CNTNAP2: variants seen among roughly 807,000 people sequenced by gnomAD.
CNTNAP2 encodes the protein contactin associated protein 2.
A neutral mutation model predicts 155.2 loss-of-function variants in CNTNAP2; 98 were observed. The observed-to-expected ratio is 0.63, with a 90% CI of 0.54 to 0.75. The LOEUF (loss-of-function observed/expected upper bound fraction) is 0.75, where lower values mean the gene tolerates loss of function less well. Among genes scored for constraint, CNTNAP2 ranks in the 30% least tolerant of loss-of-function variants. The pLI is 0.00. For synonymous variants in CNTNAP2, 651 were observed against 631.2 expected (o/e 1.03, Z -0.47); for missense variants, 1,727 against 1,688.1 (o/e 1.02, Z -0.40).
Position 147,562,182 on chromosome 7 carries a change from A to T in CNTNAP2, c.1822A>T (p.Thr608Ser). 1 of 1,614,056 alleles carries T rather than the reference A, an allele frequency of 6.2e-7. No homozygotes were observed. Among genetic ancestry groups the T allele is most frequent in the Non-Finnish European group, 8.5e-7 (1 of 1,179,926 alleles). The change falls in exon 12 of 24, where the codon ACA (threonine) becomes TCA (serine). Residue 608 changes from threonine (T) to serine (S), a missense_variant. Coordinates refer to ENST00000361727, the MANE Select transcript of CNTNAP2 (RefSeq NM_014141.6). ...SCEAYKHLGQ[T>S]SNYYWIDPDG... is the part of the protein sequence containing the mutation. ...TGAAGCCTACAAACACCTAGGACAG[A>T]CATCAAATTATTACTGGATAGATCC...
chr7:146,398,950 G>T (rs920590206), intron 1 of CNTNAP2, among the ~76,000 whole-genome samples: 1 of 151,770 alleles, frequency 6.6e-6, no homozygotes, highest in Non-Finnish European at 1.5e-5. Context: ...AACCTATGTA[G>T]GTAGAATTGC....
intron 13 of CNTNAP2, among the ~76,000 whole-genome samples, chr7:147,831,100 A>G (rs553439256): frequency 7.1e-4 from 108 of 152,300 alleles, no homozygotes; most frequent in African/African-American, 2.4e-3. Flanking sequence ...TATGCCTGGT[A>G]ATATGAGAAC....
At chr7:148,024,173 A>AACAAAAAAAAAC (rs1554463585) in intron 15 of CNTNAP2, among the ~76,000 whole-genome samples, 1 of 147,888 alleles carries the variant, frequency 6.8e-6, no homozygotes, top group Non-Finnish European at 1.5e-5. Context: ...AAAAAAAAAA[A>AACAAAAAAAAAC]AAAAAACTTT....
chr7:146,615,570 A>G (rs572130458), intron 1 of CNTNAP2, among the ~76,000 whole-genome samples: 20 of 152,354 alleles, frequency 1.3e-4, no homozygotes, highest in Non-Finnish European at 2.4e-4. Flanking sequence ...CCCATATCTC[A>G]TCAACACACA....
At chr7:148,367,092 G>C (rs988737590) in intron 21 of CNTNAP2, among the ~76,000 whole-genome samples, 10 of 152,048 alleles carry the variant, frequency 6.6e-5, no homozygotes, top group Admixed American at 6.5e-4. Flanking sequence ...TTAGCTGGGC[G>C]CGGTGGTGCA....
At chr7:148,135,429 T>C (rs1281880905) in intron 16 of CNTNAP2, among the ~76,000 whole-genome samples, 2 of 152,248 alleles carry the variant, frequency 1.3e-5, no homozygotes, top group African/African-American at 4.8e-5. Flanking sequence ...CACTGGCTTC[T>C]GGTTGCTCAT....
chr7:146,280,801 G>A (rs1405941982), intron 1 of CNTNAP2, among the ~76,000 whole-genome samples: 1 of 152,156 alleles, frequency 6.6e-6, no homozygotes, highest in African/African-American at 2.4e-5. Flanking sequence ...CCTACCAATA[G>A]AATCTCATTC....
At chr7:146,975,292 C>A (rs532976368) in intron 3 of CNTNAP2, among the ~76,000 whole-genome samples, 3 of 152,114 alleles carry the variant, frequency 2.0e-5, no homozygotes, top group Admixed American at 1.3e-4. Context: ...TGGCAAAACC[C>A]CGTCTCTACT....
intron 2 of CNTNAP2, among the ~76,000 whole-genome samples, chr7:146,828,597 T>C (rs1319818725): frequency 6.6e-6 from 1 of 152,034 alleles, no homozygotes; most frequent in East Asian, 1.9e-4. Context: ...ATGTTCCTTT[T>C]AGAAAAAGTT....
At chr7:148,007,557 A>T (rs1230273789) in intron 15 of CNTNAP2, among the ~76,000 whole-genome samples, 1 of 151,408 alleles carries the variant, frequency 6.6e-6, no homozygotes, top group Non-Finnish European at 1.5e-5. Context: ...CTGGCTTTGG[A>T]ATCACTAAAA....
chr7:147,321,589 C>G (rs532041191), intron 9 of CNTNAP2, among the ~76,000 whole-genome samples: 40 of 152,276 alleles, frequency 2.6e-4, no homozygotes, highest in Non-Finnish European at 4.9e-4. Context: ...CTAACTTCAT[C>G]TCTCTCCTGG....
intron 10 of CNTNAP2, among the ~76,000 whole-genome samples, chr7:147,441,048 A>C (rs978987683): frequency 6.6e-6 from 1 of 151,642 alleles, no homozygotes; most frequent in African/African-American, 2.4e-5. Flanking sequence ...CTTTGAATAA[A>C]CCCTCTACCC....
intron 14 of CNTNAP2, among the ~76,000 whole-genome samples, chr7:147,925,151 GA>G (rs1800364038): frequency 9.7e-6 from 1 of 102,946 alleles, no homozygotes; most frequent in Non-Finnish European, 2.1e-5. Context: ...GAGAGAGAGA[GA>G]GAGAAGGAAG....
At chr7:148,039,365 C>A (rs1802627670) in intron 15 of CNTNAP2, among the ~76,000 whole-genome samples, 1 of 152,156 alleles carries the variant, frequency 6.6e-6, no homozygotes, top group African/African-American at 2.4e-5. Context: ...CAAATTGGAT[C>A]ATGCCTGCCC....
At chr7:147,566,163 G>T (rs963259508) in intron 12 of CNTNAP2, among the ~76,000 whole-genome samples, 2 of 150,570 alleles carry the variant, frequency 1.3e-5, no homozygotes, top group African/African-American at 4.9e-5. Context: ...GGGCATGGTG[G>T]TGCAAACCTG....
intron 15 of CNTNAP2, among the ~76,000 whole-genome samples, chr7:147,995,781 G>A (rs1801794618): frequency 6.6e-6 from 1 of 152,100 alleles, no homozygotes; most frequent in Admixed American, 6.5e-5. Context: ...CCAAAGTGCT[G>A]GGATTACAGG....
intron 5 of CNTNAP2, among the ~76,000 whole-genome samples, chr7:147,111,467 C>T (rs1035339004): frequency 1.3e-5 from 2 of 152,090 alleles, no homozygotes; most frequent in African/African-American, 4.8e-5. Flanking sequence ...AATGGAATTG[C>T]CTATATAGTC....
intron 1 of CNTNAP2, among the ~76,000 whole-genome samples, chr7:146,583,088 G>A (rs1224907448): frequency 6.6e-6 from 1 of 152,028 alleles, no homozygotes; most frequent in Non-Finnish European, 1.5e-5. Context: ...TTTGGAATGT[G>A]ATGACAACCA....
At chr7:147,595,074 C>A (rs1800803396) in intron 12 of CNTNAP2, among the ~76,000 whole-genome samples, 1 of 152,058 alleles carries the variant, frequency 6.6e-6, no homozygotes, top group Admixed American at 6.6e-5. Context: ...GCTTGGTGCC[C>A]AAATCCAGAG....
Sources: allele counts gnomAD v4.1 joint callset (sites outside exome capture counted in the v4.1 genomes callset), GRCh38; gene constraint gnomAD v4.1.1; transcripts MANE v1.5; gene names NCBI Gene and HGNC (gene_info 2026-07-23, HGNC 2026-07-21).